USP39: variants seen among roughly 807,000 people sequenced by gnomAD.
USP39 encodes the protein ubiquitin specific peptidase 39, also known as ubiquitin carboxyl-terminal hydrolase 39.
Under a neutral mutation model 66.4 loss-of-function variants are expected in USP39, and 38 were observed. That is an observed-to-expected ratio of 0.57 (90% CI 0.44 to 0.75). The LOEUF (loss-of-function observed/expected upper bound fraction) is 0.75. Among genes scored for constraint, USP39 ranks in the 30% least tolerant of loss-of-function variants. The pLI is 0.00. For synonymous variants in USP39, 303 were observed against 274.6 expected (o/e 1.10, Z -1.02); for missense variants, 608 against 714.4 (o/e 0.85, Z 1.70).
At chr2:85,629,623 A>C (rs1235339357) in intron 5 of USP39, among the ~76,000 whole-genome samples, 6 of 149,728 alleles carry the variant, frequency 4.0e-5, no homozygotes, top group Non-Finnish European at 8.9e-5. Context: ...CAGCCTCCTG[A>C]GTAGCTGGGA....
At chr2:85,617,588 C>G (rs922219107) in intron 1 of USP39, among the ~76,000 whole-genome samples, 3 of 152,132 alleles carry the variant, frequency 2.0e-5, no homozygotes, top group Non-Finnish European at 2.9e-5. Flanking sequence ...GTAATCGCAG[C>G]TACTCTATAG....
intron 4 of USP39, 97 bp from the exon 5 acceptor site, chr2:85,625,442 A>C: frequency 1.3e-6 from 2 of 1,525,524 alleles, no homozygotes; most frequent in Non-Finnish European, 1.8e-6. Flanking sequence ...TGGGATGTTC[A>C]TGGCCAAGTG....
At chr2:85,611,990 G>T (rs770623023), upstream of USP39, 1 of 1,522,298 alleles carries the variant, frequency 6.6e-7, no homozygotes, top group Admixed American at 2.3e-5. Context: ...TCCATCAGGA[G>T]CCGGGGACGC....
chr2:85,617,108 G>T (rs72843878), intron 1 of USP39, among the ~76,000 whole-genome samples: 9,734 of 147,578 alleles, frequency 0.066, 390 homozygotes, highest in Middle Eastern at 0.14. Flanking sequence ...TTTTAAAAAA[G>T]AATTTTTTTT....
intron 1 of USP39, among the ~76,000 whole-genome samples, chr2:85,605,808 TTG>T (rs1673192101): frequency 6.6e-6 from 1 of 152,220 alleles, no homozygotes; most frequent in African/African-American, 2.4e-5. Context: ...CAATCTCTAG[TTG>T]ACAGTGCCCC....
chr2:85,614,830 G>A (rs1443758281), upstream of USP39, among the ~76,000 whole-genome samples: 2 of 152,158 alleles, frequency 1.3e-5, no homozygotes, highest in Non-Finnish European at 2.9e-5. Context: ...CTTAACTGTA[G>A]ACATCTCTAG....
chr2:85,612,003 A>T, upstream of USP39: 1 of 1,490,110 alleles, frequency 6.7e-7, no homozygotes, highest in Non-Finnish European at 8.9e-7. Context: ...GGGGACGCAG[A>T]GTCGCCGCCG....
rs1448884113 is a variant in USP39 at position 85,641,137 on chromosome 2, C to A, written c.1427+19C>A. ...CTATTACGTAAGTAACATCCTGCCT[C>A]ACTTCTCTCACGGGGAGTGAACCTG... On this transcript the variant is annotated intron_variant, in intron 10 of 12. Transcript: ENST00000323701. 1.2e-6 allele frequency: 2 copies of A among 1,610,790 alleles called. No homozygotes were observed. The highest frequency in any genetic ancestry group is 1.3e-5 in the African/African-American group (1 of 74,714).
upstream of USP39, chr2:85,608,125 CAAG>C (rs1282647292): frequency 7.2e-5 from 11 of 152,292 alleles, no homozygotes; most frequent in Non-Finnish European, 1.3e-4. Flanking sequence ...GGCTAGGAAT[CAAG>C]TTGAAAGTTG....
At chr2:85,613,230 C>A (rs547651046), upstream of USP39, among the ~76,000 whole-genome samples, 23 of 151,912 alleles carry the variant, frequency 1.5e-4, no homozygotes, top group South Asian at 4.8e-3. Context: ...AAGAAAGAGC[C>A]GGGCGTGGTG....
At chr2:85,623,289 G>A (rs555226702) in intron 3 of USP39, among the ~76,000 whole-genome samples, 1 of 151,612 alleles carries the variant, frequency 6.6e-6, no homozygotes, top group South Asian at 2.1e-4. Context: ...TATATGCATA[G>A]ATATTTCTAG....
chr2:85,620,170 C>G (rs1461774155), intron 2 of USP39, among the ~76,000 whole-genome samples: 1 of 148,998 alleles, frequency 6.7e-6, no homozygotes, highest in Non-Finnish European at 1.5e-5. Flanking sequence ...CGAGACCCAT[C>G]TTTTAAAAAA....
Position 85,636,061 on chromosome 2 carries a change from G to A in USP39, c.958G>A (p.Val320Ile), listed in dbSNP as rs2104320628. 6.2e-7 allele frequency: 1 copy of A among 1,614,112 alleles called. No individual in the cohort carries two copies. Among genetic ancestry groups the A allele is most frequent in the Non-Finnish European group, 8.5e-7 (1 of 1,180,016 alleles). The change falls in exon 7 of 13, where the codon GTT (valine) becomes ATT (isoleucine). Residue 320 changes from valine (V) to isoleucine (I), a missense_variant. Val to Ile is a conservative substitution (Grantham distance 29, BLOSUM62 3). Around this residue, in one of 6 missense-constraint regions of USP39, gnomAD observed 72 missense variants for 60.1 expected, o/e 1.20. Transcript: ENST00000323701. ...TFQITKQGDG[V>I]DFLSWFLNAL... ...CCTTCCTTTTTTTCCAGGAGATGGCGTTGACTTTCTGTCTTGGTTTCTGAA... is the reference window on the plus strand; with the variant it reads ...CCTTCCTTTTTTTCCAGGAGATGGCATTGACTTTCTGTCTTGGTTTCTGAA...
chr2:85,631,306 G>A (rs59139634), intron 6 of USP39, among the ~76,000 whole-genome samples: 10,618 of 146,174 alleles, frequency 0.073, 1,305 homozygotes, highest in African/African-American at 0.25. Context: ...GAGCCACTGC[G>A]CCCGGCCTTT....
intron 4 of USP39, among the ~76,000 whole-genome samples, chr2:85,624,423 G>T (rs1489539199): frequency 6.6e-6 from 1 of 151,848 alleles, no homozygotes; most frequent in Non-Finnish European, 1.5e-5. Context: ...ACAGCTCACT[G>T]CAGCCTCGAC....
upstream of USP39, chr2:85,610,220 G>C (rs943465307): frequency 6.6e-6 from 1 of 152,030 alleles, no homozygotes; most frequent in Non-Finnish European, 1.5e-5. Flanking sequence ...TCACCATGTT[G>C]TCCAGGTTAA....
intron 6 of USP39, among the ~76,000 whole-genome samples, chr2:85,631,215 A>G (rs759073142): frequency 1.8e-4 from 27 of 150,308 alleles, no homozygotes; most frequent in Non-Finnish European, 2.9e-4. Context: ...GGGTTTCACT[A>G]TGTTGGCCAG....
upstream of USP39, chr2:85,611,948 A>G (rs751467406): frequency 5.3e-5 from 84 of 1,572,638 alleles, no homozygotes; most frequent in Non-Finnish European, 6.9e-5. Flanking sequence ...CCAGGCTTGC[A>G]GCAGTGCCCC....
chr2:85,645,186 G>A, intron 11 of USP39, 103 bp downstream of exon 11: 1 of 1,511,842 alleles, frequency 6.6e-7, no homozygotes. Flanking sequence ...CTTGGCCTTG[G>A]CTTTGGGACT....
Sources: gnomAD v4.1 joint callset for allele counts (sites outside exome capture counted in the v4.1 genomes callset) on GRCh38, gnomAD v4.1.1 for gene constraint, gnomAD v4.1.1 regional missense constraint, MANE v1.5 for transcripts, NCBI Gene and HGNC (gene_info 2026-07-23, HGNC 2026-07-21) for gene names.